NXN: variants seen among roughly 807,000 people sequenced by gnomAD.
The protein encoded by NXN is nucleoredoxin 1.
In NXN, 16 loss-of-function variants were observed where a neutral mutation model predicts 48.6. The observed-to-expected ratio is 0.33, with a 90% CI of 0.22 to 0.50. NXN has a LOEUF of 0.50. Among genes scored for constraint, NXN ranks in the 20% least tolerant of loss-of-function variants. NXN has a pLI of 0.98. For missense variants in NXN, 492 were observed against 605.5 expected (o/e 0.81, Z 1.97); for synonymous variants, 281 against 269.6 (o/e 1.04, Z -0.41).
In NXN at chr17:854,580, G is replaced by A. The variant is rs543288792; in HGVS notation, c.361-28502C>T. 4.3e-4 allele frequency among the ~76,000 whole-genome samples: 64 copies of A among 148,406 alleles called. 1 individual carries two copies. Among genetic ancestry groups the A allele is most frequent in the African/African-American group, 1.5e-3 (60 of 39,310 alleles). ...TGAGGCAGGAGAATGGCATGAACCC[G>A]AGAGGAGGAGCTTGCAGTGAGCTGA... On this transcript the variant is annotated intron_variant, in intron 1 of 7. Transcript: ENST00000336868.
intron 1 of NXN, among the ~76,000 whole-genome samples, chr17:854,424 G>A (rs1307107399): frequency 9.9e-5 from 15 of 151,516 alleles, no homozygotes; most frequent in African/African-American, 3.4e-4. Context: ...TGAGGCGGGC[G>A]GATCACAAGG....
At chr17:973,615 A>G (rs2069418687) in intron 1 of NXN, among the ~76,000 whole-genome samples, 1 of 152,010 alleles carries the variant, frequency 6.6e-6, no homozygotes, top group Non-Finnish European at 1.5e-5. Flanking sequence ...AAGGCACTGT[A>G]TTTGTTGTTT....
intron 1 of NXN, among the ~76,000 whole-genome samples, chr17:957,902 C>T (rs191915225): frequency 2.2e-4 from 34 of 152,292 alleles, no homozygotes; most frequent in East Asian, 3.9e-4. Flanking sequence ...CACACCTCCA[C>T]GTCAGCATCG....
rs1047952762 is a variant in NXN at position 919,930 on chromosome 17, C to T, written c.360+59389G>A. Among the ~76,000 whole-genome samples the T allele has an allele frequency of 2.6e-5, 4 of 152,116 alleles. No individual in the cohort carries two copies. The highest frequency in any genetic ancestry group is 9.7e-5 in the African/African-American group (4 of 41,426). ...CAGGCCATGGCGGAAAATGTACCTT[C>T]CATCTCTCTCTGCCTCAGCCCCCAC... On this transcript the variant is annotated intron_variant, in intron 1 of 7. Coordinates refer to ENST00000336868, the MANE Select transcript of NXN (RefSeq NM_022463.5). The surrounding 1 kb of genome is among the most constrained non-coding windows in gnomAD (Gnocchi z 5.1).
intron 1 of NXN, among the ~76,000 whole-genome samples, chr17:940,852 C>A (rs1176937081): frequency 2.7e-5 from 4 of 150,502 alleles, no homozygotes; most frequent in Non-Finnish European, 4.4e-5. Context: ...TTACAGTGAA[C>A]AAGATTCCAG....
rs765517910 is a variant in NXN, at chr17:801,177, G to T, written c.1126-46C>A. On this transcript the variant is annotated intron_variant, in intron 7 of 7. Coordinates refer to ENST00000336868, the MANE Select transcript of NXN (RefSeq NM_022463.5). ...AGAAAACCAAGAAGTTTTAAAGAAA[G>T]GAGGGGGAGAGTCCCCTGGGCCCAG... The T allele has an allele frequency of 1.1e-5, 16 of 1,440,942 alleles. No individual in the cohort carries two copies. The Admixed American group carries it at 4.0e-4, about 36-fold the overall frequency. The allele number at this position is 1,440,942 out of a possible 1,614,324, so 89.3% of individuals were successfully genotyped here.
chr17:844,101 C>T (rs957245969), intron 1 of NXN, among the ~76,000 whole-genome samples: 7 of 151,558 alleles, frequency 4.6e-5, no homozygotes, highest in African/African-American at 7.3e-5. Context: ...GGCCATTCTA[C>T]GTGCCGTCCT....
intron 5 of NXN, among the ~76,000 whole-genome samples, chr17:817,930 G>C (rs1171094893): frequency 6.6e-6 from 1 of 152,012 alleles, no homozygotes; most frequent in Non-Finnish European, 1.5e-5. Context: ...GTATTCACAC[G>C]ATAAAGAATA....
Position 917,712 on chromosome 17 carries a change from G to A in NXN, c.360+61607C>T, listed in dbSNP as rs773504294. On this transcript the variant is annotated intron_variant, in intron 1 of 7. Coordinates refer to ENST00000336868, the MANE Select transcript of NXN (RefSeq NM_022463.5). The surrounding 1 kb of genome is among the most constrained non-coding windows in gnomAD (Gnocchi z 4.5). ...CCCTACCCAATCCGACCTCCTAGAC[G>A]GACACCCCAGGTTCCAGCCCTACAA... Among the ~76,000 whole-genome samples, 1 of 152,202 alleles carries A rather than the reference G, an allele frequency of 6.6e-6. No individual in the cohort carries two copies. Among genetic ancestry groups the A allele is most frequent in the South Asian group, 2.1e-4 (1 of 4,830 alleles).
At chr17:802,412 A>G (rs1358848010) in intron 7 of NXN, among the ~76,000 whole-genome samples, 1 of 152,198 alleles carries the variant, frequency 6.6e-6, no homozygotes, top group East Asian at 1.9e-4. Flanking sequence ...CAGGACAGCG[A>G]CTACGTTCCC....
intron 1 of NXN, among the ~76,000 whole-genome samples, chr17:862,139 G>A (rs1488340973): frequency 6.6e-6 from 1 of 152,182 alleles, no homozygotes; most frequent in Non-Finnish European, 1.5e-5. Flanking sequence ...CCAATGAGGG[G>A]CTCTTCATAA....
chr17:953,582 C>T (rs2069136051), intron 1 of NXN, among the ~76,000 whole-genome samples: 2 of 152,310 alleles, frequency 1.3e-5, no homozygotes, highest in Non-Finnish European at 2.9e-5. Flanking sequence ...CAGGCCCAAC[C>T]TTATAAACCT....
At position 979,736 on chromosome 17, in the gene NXN, G is replaced by A; in HGVS notation, c.-58C>T. 8.0e-7 allele frequency: 1 copy of A among 1,252,660 alleles called. No individual in the cohort carries two copies. Among genetic ancestry groups the A allele is most frequent in the Non-Finnish European group, 1.0e-6 (1 of 993,174 alleles). The allele number at this position is 1,252,660 out of a possible 1,614,324, so 77.6% of individuals were successfully genotyped here. On this transcript the variant is annotated 5_prime_UTR_variant, in exon 1 of 8. Coordinates refer to ENST00000336868, the MANE Select transcript of NXN (RefSeq NM_022463.5). ...GACCCCGCTCCACGGTCCGCGCGGC[G>A]GGAGGAGGCGGCGGCGTCGGCGGCA...
At chr17:938,632 C>T (rs1271912981) in intron 1 of NXN, among the ~76,000 whole-genome samples, 1 of 151,816 alleles carries the variant, frequency 6.6e-6, no homozygotes, top group African/African-American at 2.4e-5. Context: ...CGCAGTGAGC[C>T]GAGATTGCGC....
At chr17:977,794 G>A (rs1266993478) in intron 1 of NXN, among the ~76,000 whole-genome samples, 1 of 152,102 alleles carries the variant, frequency 6.6e-6, no homozygotes, top group Middle Eastern at 3.2e-3. Flanking sequence ...CACCACCAAG[G>A]AAAACAAAGG....
In NXN at chr17:956,914, C is replaced by T. The variant is rs570007053; in HGVS notation, c.360+22405G>A. Among the ~76,000 whole-genome samples, 12 of 152,300 alleles carry T rather than the reference C, an allele frequency of 7.9e-5. No individual in the cohort carries two copies. The highest frequency in any genetic ancestry group is 2.4e-4 in the African/African-American group (10 of 41,568). On this transcript the variant is annotated intron_variant, in intron 1 of 7. Transcript: ENST00000336868. This position sits in a 1 kb window ranked among gnomAD's most constrained non-coding sequence, Gnocchi z 4.1. The stretch of plus-strand genomic sequence containing the variant: ...GGCCCCTCCGTTCTCAGAGCTCCTG[C>T]GGGCAACTCCAGCCCTTTTAGAACC...
At chr17:882,459 T>G (rs993400661) in intron 1 of NXN, among the ~76,000 whole-genome samples, 147 of 50,466 alleles carry the variant, frequency 2.9e-3, no homozygotes, top group Non-Finnish European at 2.8e-3. Context: ...GGGTTTCTTT[T>G]GTTTGTTTTG....
intron 5 of NXN, among the ~76,000 whole-genome samples, chr17:813,759 G>C (rs1322006129): frequency 6.6e-6 from 1 of 150,936 alleles, no homozygotes; most frequent in Non-Finnish European, 1.5e-5. Context: ...ACGAGGTCAG[G>C]AGTTTGAGAC....
chr17:957,245 C>T (rs778427699), intron 1 of NXN, among the ~76,000 whole-genome samples: 3 of 151,934 alleles, frequency 2.0e-5, no homozygotes, highest in Non-Finnish European at 4.4e-5. Flanking sequence ...AACACTACGC[C>T]GTGTGGAAAA....
Sources: gnomAD v4.1 joint callset for allele counts (sites outside exome capture counted in the v4.1 genomes callset) on GRCh38, gnomAD v4.1.1 for gene constraint, Gnocchi (gnomAD v3.1) non-coding constraint, MANE v1.5 for transcripts, NCBI Gene and HGNC (gene_info 2026-07-23, HGNC 2026-07-21) for gene names.